TOP1MT: variants seen among roughly 807,000 people sequenced by gnomAD.
TOP1MT encodes the protein DNA topoisomerase I, mitochondrial.
Under a neutral mutation model 73.9 loss-of-function variants are expected in TOP1MT, and 80 were observed. The ratio of observed to expected loss-of-function variants is 1.08; its 90% CI spans 0.90 to 1.30. The LOEUF (loss-of-function observed/expected upper bound fraction) is 1.30. Ranked by LOEUF, TOP1MT falls within the 50% of genes most tolerant of loss-of-function variation. TOP1MT has a pLI of 0.00. For missense variants in TOP1MT, 815 were observed against 808.0 expected (o/e 1.01, Z -0.10); for synonymous variants, 338 against 326.4 (o/e 1.04, Z -0.38).
At chr8:143,324,421 T>A in intron 6 of TOP1MT, 64 bp downstream of exon 6, 1 of 1,608,210 alleles carries the variant, frequency 6.2e-7, no homozygotes, top group Admixed American at 1.7e-5. Context: ...CTTACACACC[T>A]CCCTGCCGGC....
Position 143,323,992 on chromosome 8 carries a change from C to T in TOP1MT, c.960+7G>A, listed in dbSNP as rs112528843. 9.3e-6 allele frequency: 15 copies of T among 1,613,546 alleles called. No individual in the cohort carries two copies. Among genetic ancestry groups the T allele is most frequent in the South Asian group, 6.6e-5 (6 of 91,076 alleles). On this transcript the variant is annotated splice_region_variant and intron_variant, in intron 7 of 13. Transcript: ENST00000329245. ...AAGAGCCGCCAGGAAGCGAGAAGGC[C>T]GCATACCTTATCGATGAAATACAGG...
Position 143,310,097 on chromosome 8 carries a change from G to A in TOP1MT, c.1674C>T (p.Asn558=). Residue 558 remains asparagine, a synonymous_variant, in exon 13 of 14, where the codon AAC becomes AAT. Transcript: ENST00000329245. ...CAATGCTGATCCTGGGGTCCAGGTA[G>A]TTGAGCTTGGACGTGCCCAGGGCCA... ...KQVALGTSKL[N]YLDPRISIAW... 1 of 1,613,458 alleles carries A rather than the reference G, an allele frequency of 6.2e-7. No individual in the cohort carries two copies. The highest frequency in any genetic ancestry group is 1.1e-5 in the South Asian group (1 of 91,072).
At chr8:143,351,436 G>C (rs1381989484) in intron 1 of TOP1MT, among the ~76,000 whole-genome samples, 1 of 152,028 alleles carries the variant, frequency 6.6e-6, no homozygotes, top group Non-Finnish European at 1.5e-5. Context: ...AGCCTGGCAA[G>C]AGTGACGCAT....
upstream of TOP1MT, among the ~76,000 whole-genome samples, chr8:143,349,252 C>T (rs145714976): frequency 2.6e-5 from 4 of 152,188 alleles, no homozygotes; most frequent in East Asian, 1.9e-4. Flanking sequence ...AAATCAGAGT[C>T]GAGGGACCCA....
At chr8:143,339,369 G>A (rs551124937), upstream of TOP1MT, among the ~76,000 whole-genome samples, 257 of 152,344 alleles carry the variant, frequency 1.7e-3, 9 homozygotes, top group South Asian at 0.049. Context: ...TCGTGGCTGC[G>A]TACAGGACAC....
chr8:143,347,679 A>AGCAGGCAG (rs202023494), upstream of TOP1MT, among the ~76,000 whole-genome samples: 16 of 133,288 alleles, frequency 1.2e-4, no homozygotes, highest in African/African-American at 4.1e-4. Flanking sequence ...TTGAAACCAC[A>AGCAGGCAG]GCAGGCAGGC....
upstream of TOP1MT, chr8:143,359,541 G>C (rs1181886309): frequency 1.9e-6 from 1 of 534,332 alleles, no homozygotes; most frequent in Non-Finnish European, 2.4e-6. Flanking sequence ...ATGAGGAGGG[G>C]TGGGGCAGCC....
chr8:143,323,439 C>G (rs1420839018), intron 7 of TOP1MT, among the ~76,000 whole-genome samples: 3 of 116,658 alleles, frequency 2.6e-5, no homozygotes, highest in African/African-American at 7.8e-5. Flanking sequence ...ACGCCACACA[C>G]GCACGCCACA....
At chr8:143,353,989 A>AAG (rs1817364495) in intron 1 of TOP1MT, among the ~76,000 whole-genome samples, 2 of 150,318 alleles carry the variant, frequency 1.3e-5, no homozygotes, top group South Asian at 2.1e-4. Context: ...AAAAAAAAAA[A>AAG]GTCTGTTGGT....
At chr8:143,348,218 C>T (rs550740991), upstream of TOP1MT, among the ~76,000 whole-genome samples, 4 of 152,346 alleles carry the variant, frequency 2.6e-5, no homozygotes, top group South Asian at 6.2e-4. The surrounding 1 kb of genome is among the most constrained non-coding windows in gnomAD (Gnocchi z 4.6). Flanking sequence ...CAAAGTCCCT[C>T]AGTCATTGTC....
chr8:143,356,334 C>G (rs565706391), upstream of TOP1MT, among the ~76,000 whole-genome samples: 1 of 152,362 alleles, frequency 6.6e-6, no homozygotes, highest in Non-Finnish European at 1.5e-5. Flanking sequence ...AACTCCAGCT[C>G]CTTCTACACC....
At chr8:143,351,232 G>A (rs1817315093) in intron 1 of TOP1MT, among the ~76,000 whole-genome samples, 1 of 152,124 alleles carries the variant, frequency 6.6e-6, no homozygotes, top group South Asian at 2.1e-4. Context: ...CCATTACAGC[G>A]GCCTCTCCTG....
At chr8:143,314,226 T>C (rs10099996) in intron 12 of TOP1MT, among the ~76,000 whole-genome samples, 76,440 of 151,996 alleles carry the variant, frequency 0.5, 20,688 homozygotes, top group East Asian at 0.76. Context: ...CAAACCTCCT[T>C]GGCGGCCAGG....
chr8:143,325,902 G>A (rs1391363992), intron 4 of TOP1MT, among the ~76,000 whole-genome samples: 1 of 152,234 alleles, frequency 6.6e-6, no homozygotes, highest in African/African-American at 2.4e-5. Flanking sequence ...CCTGTTAGAT[G>A]TAGGGAGACG....
At chr8:143,354,541 C>A (rs929429813) in intron 1 of TOP1MT, among the ~76,000 whole-genome samples, 1 of 151,844 alleles carries the variant, frequency 6.6e-6, no homozygotes, top group African/African-American at 2.4e-5. Context: ...GGAGAAACCC[C>A]GTCTCTACTA....
chr8:143,349,849 C>A (rs971404235), upstream of TOP1MT, among the ~76,000 whole-genome samples: 7 of 152,158 alleles, frequency 4.6e-5, no homozygotes, highest in Non-Finnish European at 8.8e-5. Flanking sequence ...CCATGTTGGC[C>A]AGGCTGGTCT....
At chr8:143,313,210 G>A (rs1377724699) in intron 12 of TOP1MT, among the ~76,000 whole-genome samples, 1 of 152,198 alleles carries the variant, frequency 6.6e-6, no homozygotes, top group Non-Finnish European at 1.5e-5. Flanking sequence ...TTCTCAGCAC[G>A]CTGACTCATC....
intron 13 of TOP1MT, 170 bp from the exon 14 acceptor site, chr8:143,309,713 C>T: frequency 6.6e-7 from 1 of 1,524,186 alleles, no homozygotes; most frequent in Non-Finnish European, 8.8e-7. Context: ...ATGCCGCCAC[C>T]CTGGAGCATC....
Position 143,344,617 on chromosome 8 carries a change from A to T in TOP1MT, c.-39+299T>A, listed in dbSNP as rs75466516. On this transcript the variant is annotated intron_variant, in intron 1 of 5. Transcript: ENST00000518007. The surrounding 1 kb of genome is among the most constrained non-coding windows in gnomAD (Gnocchi z 4.6). ...CGCCCGCCGCGCAGCACCATTCCCC[A>T]GCTACAGGGACAGCTGATGGTCACA... The T allele has an allele frequency of 0.041, 6,282 of 152,492 alleles. 439 individuals carry two copies. Among genetic ancestry groups the T allele is most frequent in the African/African-American group, 0.14 (5,972 of 41,442 alleles). The allele number at this position is 152,492 out of a possible 1,614,324, so 9.4% of individuals were successfully genotyped here.
Sources: allele counts gnomAD v4.1 joint callset (sites outside exome capture counted in the v4.1 genomes callset), GRCh38; gene constraint gnomAD v4.1.1; non-coding constraint Gnocchi (gnomAD v3.1); transcripts MANE v1.5; gene names NCBI Gene and HGNC (gene_info 2026-07-23, HGNC 2026-07-21).